MCC: variants seen among roughly 807,000 people sequenced by gnomAD.
MCC encodes colorectal mutant cancer protein.
Under a neutral mutation model 116.2 loss-of-function variants are expected in MCC, and 90 were observed. The ratio of observed to expected loss-of-function variants is 0.77; its 90% CI spans 0.65 to 0.92. The LOEUF is 0.92. Ranked by LOEUF, MCC falls within the 40% of genes least tolerant of loss-of-function variation. The pLI is 0.00. For synonymous variants in MCC, 578 were observed against 510.5 expected (o/e 1.13, Z -1.78); for missense variants, 1,516 against 1,312.2 (o/e 1.16, Z -2.40).
At chr5:113,036,586 CACAAGG>C (rs1207751362) in intron 17 of MCC, among the ~76,000 whole-genome samples, 2 of 152,196 alleles carry the variant, frequency 1.3e-5, no homozygotes, top group Admixed American at 6.5e-5. Flanking sequence ...GGAGTAGCAG[CACAAGG>C]ACAACAGCAG....
In MCC at chr5:113,101,779, A is replaced by T. The variant is rs767831289; in HGVS notation, c.1358T>A (p.Met453Lys). The part of the protein sequence containing the change: ...EEELNRTKAT[M>K]NAIREERDRL... ...GTCCCGCTCTTCCCGGATGGCATTC[A>T]TGGTGGCCTTAGTCCGGTTCAGTTC... is the stretch of plus-strand genomic sequence containing the variant. Residue 453 changes from methionine (M) to lysine (K), a missense_variant, in exon 8 of 19, where the codon ATG (methionine) becomes AAG (lysine). Physicochemically the swap from Met to Lys is moderately conservative, Grantham distance 95. Coordinates refer to ENST00000408903, the MANE Select transcript of MCC (RefSeq NM_001085377.2). 6.2e-7 allele frequency: 1 copy of T among 1,613,502 alleles called. No individual in the cohort carries two copies. Among genetic ancestry groups the T allele is most frequent in the African/African-American group, 1.3e-5 (1 of 75,004 alleles).
chr5:113,089,449 A>C (rs1451374357), intron 8 of MCC, among the ~76,000 whole-genome samples: 1 of 152,256 alleles, frequency 6.6e-6, no homozygotes, highest in East Asian at 1.9e-4. Flanking sequence ...GGACTGAAGT[A>C]AGGAAGAAAA....
At chr5:113,083,048 T>A (rs369515308) in intron 10 of MCC, 40 bp from the exon 11 acceptor site, 1 of 1,574,120 alleles carries the variant, frequency 6.4e-7, no homozygotes, top group Non-Finnish European at 8.6e-7. Flanking sequence ...GAACATATCA[T>A]TTCAGAGATG....
At chr5:113,295,563 T>TGAAAGATGTCGATAGGCTCCCCAACC (rs1232997052) in intron 3 of MCC, among the ~76,000 whole-genome samples, 5 of 152,002 alleles carry the variant, frequency 3.3e-5, no homozygotes, top group Non-Finnish European at 5.9e-5. Flanking sequence ...CCCCAGACCT[T>TGAAAGATGTCGATAGGCTCCCCAACC]CCTTAATTGA....
At chr5:113,233,266 G>T (rs920019628) in intron 3 of MCC, among the ~76,000 whole-genome samples, 6 of 152,126 alleles carry the variant, frequency 3.9e-5, no homozygotes, top group African/African-American at 1.4e-4. Flanking sequence ...ACCATGAACT[G>T]CAAAAGCTGA....
chr5:113,069,247 T>A (rs1020342664), intron 12 of MCC, among the ~76,000 whole-genome samples: 1 of 152,226 alleles, frequency 6.6e-6, no homozygotes, highest in African/African-American at 2.4e-5. Context: ...CATGAAACAT[T>A]CTTAGGCCTT....
chr5:113,234,070 G>C (rs1764042749), intron 3 of MCC, among the ~76,000 whole-genome samples: 1 of 152,170 alleles, frequency 6.6e-6, no homozygotes, highest in South Asian at 2.1e-4. Flanking sequence ...ATTCTGACTA[G>C]CAAATAAAAG....
At chr5:113,342,885 C>T (rs1012433787) in intron 2 of MCC, among the ~76,000 whole-genome samples, 1 of 152,194 alleles carries the variant, frequency 6.6e-6, no homozygotes, top group African/African-American at 2.4e-5. Flanking sequence ...ACACAAACAA[C>T]GGTCTATGCA....
intron 3 of MCC, among the ~76,000 whole-genome samples, chr5:113,285,084 T>A (rs1042819889): frequency 2.0e-5 from 3 of 152,164 alleles, no homozygotes; most frequent in African/African-American, 7.2e-5. Flanking sequence ...TGAATTCACA[T>A]ACACTGAAGA....
intron 1 of MCC, among the ~76,000 whole-genome samples, chr5:113,446,026 G>A (rs1771208686): frequency 6.6e-6 from 1 of 152,026 alleles, no homozygotes; most frequent in South Asian, 2.1e-4. Context: ...AATGGTGCTG[G>A]GATAGCTAGC....
At chr5:113,390,131 C>T (rs1432197412) in intron 1 of MCC, among the ~76,000 whole-genome samples, 1 of 152,054 alleles carries the variant, frequency 6.6e-6, no homozygotes, top group Non-Finnish European at 1.5e-5. Flanking sequence ...TATATTATTT[C>T]AGAAAACACA....
At chr5:113,435,974 G>C (rs1770845695) in intron 1 of MCC, 1 of 152,586 alleles carries the variant, frequency 6.6e-6, no homozygotes, top group African/African-American at 2.4e-5. Flanking sequence ...TCTGTGTCCA[G>C]CACCTGCTCT....
chr5:113,105,604 T>C (rs905407058), intron 6 of MCC, among the ~76,000 whole-genome samples: 3 of 152,168 alleles, frequency 2.0e-5, no homozygotes, highest in Non-Finnish European at 4.4e-5. Flanking sequence ...TCTATGCCTT[T>C]GTCTGACATA....
chr5:113,415,089 T>C (rs1325468117), intron 1 of MCC, among the ~76,000 whole-genome samples: 2 of 152,226 alleles, frequency 1.3e-5, no homozygotes, highest in East Asian at 1.9e-4. Flanking sequence ...ATGTTGAATA[T>C]TGGCCCCCAC....
intron 3 of MCC, among the ~76,000 whole-genome samples, chr5:113,277,167 A>AC (rs1261932047): frequency 2.7e-5 from 4 of 150,834 alleles, no homozygotes; most frequent in African/African-American, 9.8e-5. Flanking sequence ...ACATGGTGAA[A>AC]CCCCATCTCT....
intron 17 of MCC, among the ~76,000 whole-genome samples, chr5:113,038,819 C>T (rs1751492107): frequency 6.6e-6 from 1 of 152,160 alleles, no homozygotes; most frequent in Non-Finnish European, 1.5e-5. Flanking sequence ...GGAAAGGAAG[C>T]CCTCTTCTGG....
intron 5 of MCC, 73 bp downstream of exon 5, chr5:113,143,145 T>C: frequency 6.8e-7 from 1 of 1,475,546 alleles, no homozygotes. Context: ...GTTAAAATAG[T>C]TGGGGCTACT....
At chr5:113,412,395 T>C (rs185818115) in intron 1 of MCC, among the ~76,000 whole-genome samples, 1 of 152,312 alleles carries the variant, frequency 6.6e-6, no homozygotes, top group African/African-American at 2.4e-5. Context: ...TGATTCTTCC[T>C]ATCCATGAGC....
intron 3 of MCC, among the ~76,000 whole-genome samples, chr5:113,196,334 G>C (rs1762406590): frequency 6.6e-6 from 1 of 152,190 alleles, no homozygotes; most frequent in Non-Finnish European, 1.5e-5. Context: ...AGCCCTGATG[G>C]AAGTGGGTGA....
Sources: allele counts gnomAD v4.1 joint callset (sites outside exome capture counted in the v4.1 genomes callset), GRCh38; gene constraint gnomAD v4.1.1; transcripts MANE v1.5; gene names NCBI Gene and HGNC (gene_info 2026-07-23, HGNC 2026-07-21).